FOXK2: variants seen among roughly 807,000 people sequenced by gnomAD.
The protein encoded by FOXK2 is forkhead box protein K2.
In FOXK2, 24 loss-of-function variants were observed where a neutral mutation model predicts 53.3. The observed-to-expected ratio is 0.45, with a 90% CI of 0.33 to 0.63. The LOEUF (loss-of-function observed/expected upper bound fraction) is 0.63, where lower values mean the gene tolerates loss of function less well. Among genes scored for constraint, FOXK2 ranks in the 30% least tolerant of loss-of-function variants. FOXK2 has a pLI of 0.03. For synonymous variants in FOXK2, 505 were observed against 407.1 expected, an observed-to-expected ratio of 1.24 and a Z score of -2.89; for missense variants, 952 against 910.5, an observed-to-expected ratio of 1.05 and a Z score of -0.59.
chr17:82,521,549 T>TTGTG (rs1011214815), intron 1 of FOXK2, among the ~76,000 whole-genome samples: 2 of 151,596 alleles, frequency 1.3e-5, no homozygotes, highest in Non-Finnish European at 2.9e-5. Flanking sequence ...GACTTGCGTG[T>TTGTG]TGTGTGTGTG....
rs902836810 is a variant in FOXK2, at chr17:82,587,116, C to G, written c.1630C>G (p.Arg544Gly). The change falls in exon 8 of 9, where the codon CGG becomes GGG. Residue 544 changes from arginine (R) to glycine (G), a missense_variant. This residue lies in a region of FOXK2 where 551 missense variants were observed against 385.1 expected (regional missense o/e 1.43). Transcript: ENST00000335255. ...CCACGCCACGCTCGGCACTGCCAGC[C>G]GGATCATTCAGACGGCACAGACCAC... ...IGHATLGTAS[R>G]IIQTAQTTPV... is the part of the protein sequence containing the mutation. The G allele has an allele frequency of 1.9e-6, 3 of 1,613,084 alleles. No individual in the cohort carries two copies. The highest frequency in any genetic ancestry group is 2.2e-5 in the South Asian group (2 of 91,084).
chr17:82,597,873 C>A (rs774051438), intron 8 of FOXK2, among the ~76,000 whole-genome samples: 1 of 152,224 alleles, frequency 6.6e-6, no homozygotes, highest in Admixed American at 6.5e-5. Context: ...TGGTCTCAAA[C>A]TCCTGACCTC....
chr17:82,552,624 A>G (rs938764326), intron 1 of FOXK2, among the ~76,000 whole-genome samples: 7 of 152,112 alleles, frequency 4.6e-5, no homozygotes, highest in Admixed American at 6.6e-5. Flanking sequence ...GATTTGTTGG[A>G]TGTTTCCTCT....
At chr17:82,598,246 T>G (rs909239896) in intron 8 of FOXK2, among the ~76,000 whole-genome samples, 2 of 152,106 alleles carry the variant, frequency 1.3e-5, no homozygotes, top group Non-Finnish European at 2.9e-5. Flanking sequence ...ATTTCTAGTT[T>G]TATGTCCTTT....
chr17:82,587,486 T>G (rs911698812), intron 8 of FOXK2: 1 of 585,416 alleles, frequency 1.7e-6, no homozygotes, highest in Admixed American at 2.9e-5. Context: ...TGAAAAGAGA[T>G]GAGAGTTTCT....
Position 82,586,068 on chromosome 17 carries a change from G to C in FOXK2, c.1444G>C (p.Val482Leu), listed in dbSNP as rs1308867304. The C allele has an allele frequency of 1.2e-6, 2 of 1,612,684 alleles. No homozygotes were observed. Among genetic ancestry groups the C allele is most frequent in the Non-Finnish European group, 1.7e-6 (2 of 1,179,990 alleles). ...CGTCCACCAGATCCCAGCGGTGTCG[G>C]TCACCAGTGTGGCCGGACTGGCCCC... is the stretch of plus-strand genomic sequence containing the variant. The part of the protein sequence containing the change: ...HVVHQIPAVS[V>L]TSVAGLAPAN... Residue 482 changes from valine (V) to leucine (L), a missense_variant, in exon 7 of 9, where the codon GTC (valine) becomes CTC (leucine). Physicochemically the swap from Val to Leu is conservative, Grantham distance 32. Coordinates refer to ENST00000335255, the MANE Select transcript of FOXK2 (RefSeq NM_004514.4).
chr17:82,583,455 G>A (rs1182010482), intron 5 of FOXK2, among the ~76,000 whole-genome samples: 1 of 152,256 alleles, frequency 6.6e-6, no homozygotes, highest in Non-Finnish European at 1.5e-5. Context: ...CCTGAGGCAG[G>A]AGAATCGCTT....
At chr17:82,575,644 C>G (rs1342304312) in intron 4 of FOXK2, among the ~76,000 whole-genome samples, 1 of 152,168 alleles carries the variant, frequency 6.6e-6, no homozygotes, top group Non-Finnish European at 1.5e-5. Context: ...AATGTTAAGA[C>G]TAGGAGTGGC....
intron 1 of FOXK2, among the ~76,000 whole-genome samples, chr17:82,521,747 C>T: frequency 9.7e-6 from 1 of 103,436 alleles, no homozygotes; most frequent in Non-Finnish European, 2.1e-5. Flanking sequence ...CTGGCTAACA[C>T]GGTGAAACCC....
chr17:82,595,968 G>A, intron 8 of FOXK2: 1 of 1,202,450 alleles, frequency 8.3e-7, no homozygotes, highest in Non-Finnish European at 1.1e-6. Context: ...CTACAGCGTG[G>A]ATGCTGTTCC....
chr17:82,579,021 C>A (rs2045024776), intron 4 of FOXK2, among the ~76,000 whole-genome samples: 1 of 152,218 alleles, frequency 6.6e-6, no homozygotes. Context: ...TGACTGTTGT[C>A]TGTTCTTCAG....
intron 8 of FOXK2, chr17:82,596,242 T>A: frequency 1.3e-5 from 13 of 983,204 alleles, no homozygotes; most frequent in Non-Finnish European, 1.6e-5. Flanking sequence ...TCTTTTTCTT[T>A]CACGTTACTA....
intron 8 of FOXK2, among the ~76,000 whole-genome samples, chr17:82,594,981 A>G (rs896921001): frequency 6.6e-5 from 10 of 152,314 alleles, no homozygotes; most frequent in Admixed American, 2.6e-4. Context: ...TTGAGGCTGC[A>G]GTGAACCGTG....
rs141619349 is a variant in FOXK2, at chr17:82,586,136, G to A, written c.1512G>A (p.Pro504=). ...TCTCTGGACAAGCTGTGGTCACCCC[G>A]GCAGCCGTGCTGGCCCCTCCTAAGG... The part of the protein sequence containing the change: ...YTVSGQAVVT[P]AAVLAPPKAE... Residue 504 remains proline (P), a synonymous_variant, in exon 7 of 9, where the codon CCG becomes CCA. Coordinates refer to ENST00000335255, the MANE Select transcript of FOXK2 (RefSeq NM_004514.4). 1,875 of 1,612,480 alleles carry A rather than the reference G, an allele frequency of 1.2e-3. 1 individual carries two copies. Among genetic ancestry groups the A allele is most frequent in the Non-Finnish European group, 1.4e-3 (1,707 of 1,179,902 alleles).
intron 1 of FOXK2, among the ~76,000 whole-genome samples, chr17:82,520,526 C>CA (rs1491362751): frequency 2.8e-5 from 3 of 105,564 alleles, no homozygotes; most frequent in South Asian, 6.8e-4. Flanking sequence ...GCAGGTGCAG[C>CA]CCCCCGTCTT....
At chr17:82,581,091 A>G (rs2045053969) in intron 4 of FOXK2, among the ~76,000 whole-genome samples, 1 of 152,268 alleles carries the variant, frequency 6.6e-6, no homozygotes, top group South Asian at 2.1e-4. Flanking sequence ...TGCAATTCTA[A>G]TAAGGTTAAT....
chr17:82,564,311 A>G (rs1391204889), intron 2 of FOXK2, among the ~76,000 whole-genome samples: 1 of 151,490 alleles, frequency 6.6e-6, no homozygotes, highest in Non-Finnish European at 1.5e-5. Context: ...CTGATCTCAA[A>G]CTCCTGACCT....
chr17:82,550,056 A>G lies in FOXK2; in HGVS notation c.420-13298A>G, dbSNP rs115015907. Among the ~76,000 whole-genome samples the G allele has an allele frequency of 9.8e-3, 1,490 of 152,266 alleles. 22 individuals are homozygous for G. The highest frequency in any genetic ancestry group is 0.033 in the African/African-American group (1,388 of 41,548). On this transcript the variant is annotated intron_variant, in intron 1 of 8. Transcript: ENST00000335255. ...CCATCTCTACAAAAACAAAACAGGC[A>G]GGTGTGGTGGTACGTGCCTGTAGTC...
chr17:82,593,436 G>C (rs940305425), intron 8 of FOXK2: 1 of 152,596 alleles, frequency 6.6e-6, no homozygotes, highest in East Asian at 1.9e-4. Flanking sequence ...GAAGCCCCGC[G>C]CCCCCCTGGC....
Sources: allele counts gnomAD v4.1 joint callset (sites outside exome capture counted in the v4.1 genomes callset), GRCh38; gene constraint gnomAD v4.1.1; regional missense constraint gnomAD v4.1.1; transcripts MANE v1.5; gene names NCBI Gene and HGNC (gene_info 2026-07-23, HGNC 2026-07-21).